ERBB4: variants seen among roughly 807,000 people sequenced by gnomAD.
ERBB4 encodes the protein erb-b2 receptor tyrosine kinase 4.
A neutral mutation model predicts 158.0 loss-of-function variants in ERBB4; 42 were observed. That is an observed-to-expected ratio of 0.27 (90% CI 0.21 to 0.34). ERBB4 has a LOEUF of 0.34. Among genes scored for constraint, ERBB4 ranks in the 10% least tolerant of loss-of-function variants. The pLI, the probability that ERBB4 is intolerant of heterozygous loss-of-function variation, is 1.00. For synonymous variants in ERBB4, 583 were observed against 558.7 expected (o/e 1.04, Z -0.61); for missense variants, 1,333 against 1,624.1 (o/e 0.82, Z 3.08).
chr2:211,569,930 A>G (rs2067664232), intron 19 of ERBB4, among the ~76,000 whole-genome samples: 1 of 152,114 alleles, frequency 6.6e-6, no homozygotes, highest in Non-Finnish European at 1.5e-5. Context: ...AATATTAACT[A>G]TTACAATAAA....
chr2:211,944,177 C>CTATA (rs59741173), intron 3 of ERBB4, among the ~76,000 whole-genome samples: 3 of 38,580 alleles, frequency 7.8e-5, no homozygotes, highest in African/African-American at 1.2e-4. Flanking sequence ...TATATATATA[C>CTATA]TATATATATA....
intron 1 of ERBB4, among the ~76,000 whole-genome samples, chr2:212,284,567 T>C (rs1210298058): frequency 6.6e-6 from 1 of 152,110 alleles, no homozygotes; most frequent in East Asian, 1.9e-4. Context: ...CATTTCCATT[T>C]GTGGTGTACT....
At chr2:212,324,360 TCGGCC>T (rs2087719686) in intron 1 of ERBB4, among the ~76,000 whole-genome samples, 1 of 150,738 alleles carries the variant, frequency 6.6e-6, no homozygotes, top group Admixed American at 6.6e-5. Context: ...AAATAGTCTG[TCGGCC>T]TCTCACTTTG....
intron 19 of ERBB4, among the ~76,000 whole-genome samples, chr2:211,610,981 A>C (rs1244031964): frequency 2.0e-5 from 3 of 152,226 alleles, no homozygotes; most frequent in Admixed American, 6.5e-5. Context: ...GTTGGAATGC[A>C]AAACTTGTCA....
intron 2 of ERBB4, among the ~76,000 whole-genome samples, chr2:212,120,130 T>TG (rs1276179463): frequency 2.6e-5 from 4 of 152,204 alleles, no homozygotes; most frequent in East Asian, 3.9e-4. Context: ...AATTACTATT[T>TG]GGGGTAAATA....
At chr2:211,623,336 G>A (rs1299429028) in intron 18 of ERBB4, among the ~76,000 whole-genome samples, 6 of 151,204 alleles carry the variant, frequency 4.0e-5, no homozygotes. Context: ...TTTTTAGTTT[G>A]CTTATGATGA....
At chr2:211,919,093 T>C (rs1027494122) in intron 3 of ERBB4, among the ~76,000 whole-genome samples, 5 of 152,108 alleles carry the variant, frequency 3.3e-5, no homozygotes, top group Non-Finnish European at 7.4e-5. Flanking sequence ...AATATCTTAT[T>C]ATCCTAATCA....
chr2:212,469,068 A>G (rs1688986508), intron 1 of ERBB4, among the ~76,000 whole-genome samples: 1 of 152,198 alleles, frequency 6.6e-6, no homozygotes. Flanking sequence ...GTGAATCAAA[A>G]GAAATCAAAT....
chr2:212,008,803 G>A (rs958026090), intron 2 of ERBB4, among the ~76,000 whole-genome samples: 2 of 152,050 alleles, frequency 1.3e-5, no homozygotes, highest in Non-Finnish European at 2.9e-5. Flanking sequence ...GAGAAAATAA[G>A]GAAATTGACA....
intron 1 of ERBB4, among the ~76,000 whole-genome samples, chr2:212,203,193 A>C (rs1266129606): frequency 1.3e-5 from 2 of 152,110 alleles, no homozygotes; most frequent in Admixed American, 6.6e-5. Flanking sequence ...AAGAGATACA[A>C]GAGTTGAAAT....
intron 1 of ERBB4, among the ~76,000 whole-genome samples, chr2:212,451,375 T>C (rs183865324): frequency 3.6e-4 from 55 of 152,336 alleles, no homozygotes; most frequent in African/African-American, 8.9e-4. Context: ...TGATATTAGA[T>C]AGAATTTACC....
At chr2:211,683,346 C>T (rs2072432602) in intron 12 of ERBB4, among the ~76,000 whole-genome samples, 1 of 152,102 alleles carries the variant, frequency 6.6e-6, no homozygotes, top group East Asian at 1.9e-4. Context: ...TTTAAACTTA[C>T]CCATTAGAGC....
intron 1 of ERBB4, among the ~76,000 whole-genome samples, chr2:212,141,551 C>G (rs1459784188): frequency 6.6e-6 from 1 of 151,908 alleles, no homozygotes; most frequent in African/African-American, 2.4e-5. Flanking sequence ...AAAAACATTT[C>G]TAAAAGTTTA....
At chr2:211,720,075 C>T (rs969010411) in intron 7 of ERBB4, among the ~76,000 whole-genome samples, 1 of 152,094 alleles carries the variant, frequency 6.6e-6, no homozygotes, top group Non-Finnish European at 1.5e-5. Flanking sequence ...AGTCCAGCTT[C>T]CCAGCGATGA....
chr2:212,210,803 T>C (rs928866801), intron 1 of ERBB4, among the ~76,000 whole-genome samples: 2 of 152,124 alleles, frequency 1.3e-5, no homozygotes, highest in Admixed American at 6.6e-5. Context: ...AGGGATGTCA[T>C]GGTTTCATTT....
chr2:211,959,966 G>A (rs1436946431), intron 2 of ERBB4, among the ~76,000 whole-genome samples: 2 of 151,856 alleles, frequency 1.3e-5, no homozygotes, highest in Non-Finnish European at 1.5e-5. Flanking sequence ...CATAATGGGG[G>A]TATCGACAGC....
At chr2:211,755,557 C>T (rs1057312186) in intron 4 of ERBB4, among the ~76,000 whole-genome samples, 3 of 152,084 alleles carry the variant, frequency 2.0e-5, no homozygotes, top group Non-Finnish European at 4.4e-5. Flanking sequence ...TGGTTACTCC[C>T]CATCACCACT....
At chr2:211,872,009 A>G (rs929318399) in intron 3 of ERBB4, among the ~76,000 whole-genome samples, 3 of 152,192 alleles carry the variant, frequency 2.0e-5, no homozygotes, top group East Asian at 3.8e-4. Context: ...CAGATTAAAT[A>G]AGCACACATT....
intron 25 of ERBB4, among the ~76,000 whole-genome samples, chr2:211,391,471 CA>C (rs1344503225): frequency 6.6e-6 from 1 of 152,132 alleles, no homozygotes; most frequent in African/African-American, 2.4e-5. Context: ...GATTTACTGT[CA>C]GCAGGGCAGA....
Sources: allele counts gnomAD v4.1 joint callset (sites outside exome capture counted in the v4.1 genomes callset), GRCh38; gene constraint gnomAD v4.1.1; transcripts MANE v1.5; gene names NCBI Gene and HGNC (gene_info 2026-07-23, HGNC 2026-07-21).